PROP1: variants seen among roughly 807,000 people sequenced by gnomAD.
PROP1 encodes the protein PROP paired-like homeobox 1, also known as homeobox protein prophet of Pit-1.
PROP1 carries 12 observed loss-of-function variants against 22.3 expected under a neutral mutation model. The ratio of observed to expected loss-of-function variants is 0.54; its 90% CI spans 0.34 to 0.87. The LOEUF (loss-of-function observed/expected upper bound fraction) is 0.87. Among genes scored for constraint, PROP1 ranks in the 40% least tolerant of loss-of-function variants. The pLI is 0.01. For missense variants in PROP1, 278 were observed against 295.1 expected, an observed-to-expected ratio of 0.94 and a Z score of 0.43; for synonymous variants, 112 against 116.7, an observed-to-expected ratio of 0.96 and a Z score of 0.26.
rs865926653 is a variant in PROP1 at position 177,994,435 on chromosome 5, G to C, written c.110-97C>G. On this transcript the variant is annotated intron_variant, in intron 1 of 2. Transcript: ENST00000308304. ...CCCGGGATTGCGCTCAGTGCGTCCT[G>C]TGCTGCTCCAGTCTTTTTTTGAGAC... is the stretch of plus-strand genomic sequence containing the variant. 3.0e-5 allele frequency: 30 copies of C among 1,002,384 alleles called. No individual in the cohort carries two copies. In the African/African-American group the frequency reaches 4.4e-4, roughly 15 times the overall value. The allele number at this position is 1,002,384 out of a possible 1,614,324, so 62.1% of individuals were successfully genotyped here.
intron 2 of PROP1, 37 bp downstream of exon 2, chr5:177,994,069 A>G (rs1755689604): frequency 6.2e-7 from 1 of 1,605,788 alleles, no homozygotes; most frequent in Non-Finnish European, 8.5e-7. Flanking sequence ...AGAAATCTGC[A>G]TTTCTTTCCT....
At position 177,994,136 on chromosome 5, in the gene PROP1, C is replaced by T; in HGVS notation, c.312G>A (p.Arg104=). The change falls in exon 2 of 3, where the codon CGG becomes CGA. Residue 104 remains arginine (R), a synonymous_variant. Transcript: ENST00000308304. ...TTCGGGCCTCACTGAGGCCAGTGTC[C>T]CGGGCAAGACTCTCTCGGGCCCAGA... is the stretch of plus-strand genomic sequence containing the variant. The part of the protein sequence containing the change: ...PDIWARESLA[R]DTGLSEARIQ... The T allele has an allele frequency of 1.2e-6, 2 of 1,614,128 alleles. No individual in the cohort carries two copies. Among genetic ancestry groups the T allele is most frequent in the Non-Finnish European group, 1.7e-6 (2 of 1,180,012 alleles).
chr5:177,992,902 G>T lies in PROP1; in HGVS notation c.488C>A (p.Pro163Gln), dbSNP rs751075306. 196 of 1,613,006 alleles carry T rather than the reference G, an allele frequency of 1.2e-4. 3 individuals carry two copies. The South Asian group carries it at 1.5e-3, about 13-fold the overall frequency. Residue 163 changes from proline to glutamine, a missense_variant, in exon 3 of 3, where the codon CCA (proline) becomes CAA (glutamine). By Grantham distance (76) the Pro-to-Gln change is moderately conservative. Coordinates refer to ENST00000308304, the MANE Select transcript of PROP1 (RefSeq NM_006261.5). ...CPYSYAAPPP[P>Q]VTCFPHPYSH... ...GTAGGGGTGAGGGAAGCAGGTCACT[G>T]GTGGTGGTGGTGCTGCGTAAGAATA...
In PROP1 at chr5:177,993,980, G is replaced by A. The variant is rs188295226; in HGVS notation, c.342+126C>T. 1.7e-4 allele frequency: 164 copies of A among 963,118 alleles called. No individual in the cohort carries two copies. The East Asian group carries it at 3.7e-3, about 21-fold the overall frequency. 59.7% of individuals were successfully genotyped at this position (963,118 alleles called of 1,614,324 possible). A position where few individuals can be genotyped will look rare whatever the true frequency, so the allele number is the denominator to read the frequency against. ...ATATTCTCAATGCAGTTGCTCTGAT[G>A]CTGGTGGTGAGATGAGGCCTGTGTC... On this transcript the variant is annotated intron_variant, in intron 2 of 2. Transcript: ENST00000308304.
rs1562025255 is a variant in PROP1 at position 177,995,870 on chromosome 5, A to G, written c.64T>C (p.Leu22=). Residue 22 remains leucine (L), a synonymous_variant, in exon 1 of 3, where the codon TTG becomes CTG. Coordinates refer to ENST00000308304, the MANE Select transcript of PROP1 (RefSeq NM_006261.5). ...PKKGRVGSNL[L]PERHPATGTP... ...CCAGTGGCCGGGTGTCTCTCAGGCA[A>G]CAGGTTGCTGCCGACTCGCCCCTTC... The G allele has an allele frequency of 3.7e-6, 6 of 1,614,038 alleles. No homozygotes were observed. In the Admixed American group the frequency reaches 6.7e-5, roughly 18 times the overall value.
chr5:177,995,838 C>G lies in PROP1; in HGVS notation c.96G>C (p.Pro32=). ...ACGGTCACTCACCCACCGTGGTGGT[C>G]GGGGTCCCAGTGGCCGGGTGTCTCT... is the stretch of plus-strand genomic sequence containing the variant. ...LPERHPATGT[P]TTTVDSSAPP... is the part of the protein sequence containing the mutation. Residue 32 remains proline (P), a synonymous_variant, in exon 1 of 3, where the codon CCG becomes CCC. Transcript: ENST00000308304. 6.2e-7 allele frequency: 1 copy of G among 1,613,714 alleles called. No individual in the cohort carries two copies. The highest frequency in any genetic ancestry group is 8.5e-7 in the Non-Finnish European group (1 of 1,179,968).
In PROP1 at chr5:177,995,861, T is replaced by C. The variant is rs1478768627; in HGVS notation, c.73A>G (p.Arg25Gly). ...GTCGGGGTCCCAGTGGCCGGGTGTC[T>C]CTCAGGCAACAGGTTGCTGCCGACT... is the stretch of plus-strand genomic sequence containing the variant. ...GRVGSNLLPE[R>G]HPATGTPTTT... Residue 25 changes from arginine (R) to glycine (G), a missense_variant, in exon 1 of 3, where the codon AGA becomes GGA. Transcript: ENST00000308304. 6.2e-7 allele frequency: 1 copy of C among 1,613,882 alleles called. No homozygotes were observed. Among genetic ancestry groups the C allele is most frequent in the Admixed American group, 1.7e-5 (1 of 60,000 alleles).
At chr5:177,994,455 T>A in intron 1 of PROP1, 117 bp from the exon 2 acceptor site, 1 of 845,090 alleles carries the variant, frequency 1.2e-6, no homozygotes, top group African/African-American at 1.7e-5. Flanking sequence ...AGTCTTTTTT[T>A]GAGACAGAGT....
chr5:177,995,980 T>C lies in PROP1; in HGVS notation c.-47A>G. On this transcript the variant is annotated 5_prime_UTR_variant, in exon 1 of 3. Transcript: ENST00000308304. Reference sequence around the variant, plus strand: ...GTCCCTGAATCTCTGACTTGAGATTTCTCTGCTTCCGCAGCTCCTCTCCAC... The same window carrying C: ...GTCCCTGAATCTCTGACTTGAGATTCCTCTGCTTCCGCAGCTCCTCTCCAC... The C allele has an allele frequency of 6.5e-7, 1 of 1,532,354 alleles. No homozygotes were observed. The highest frequency in any genetic ancestry group is 9.0e-7 in the Non-Finnish European group (1 of 1,109,844). 94.9% of individuals were successfully genotyped at this position (1,532,354 alleles called of 1,614,324 possible). A position where few individuals can be genotyped will look rare whatever the true frequency, so the allele number is the denominator to read the frequency against.
At position 177,996,013 on chromosome 5, in the gene PROP1, C is replaced by G. The variant is rs1755762952; in HGVS notation, c.-80G>C. On this transcript the variant is annotated 5_prime_UTR_variant, in exon 1 of 3. Coordinates refer to ENST00000308304, the MANE Select transcript of PROP1 (RefSeq NM_006261.5). ...TCCGCAGCTCCTCTCCACACCTGTT[C>G]CCTCCCCTTCTCCCTCTGTGTATGC... is the stretch of plus-strand genomic sequence containing the variant. 8.2e-7 allele frequency: 1 copy of G among 1,222,372 alleles called. No individual in the cohort carries two copies. The highest frequency in any genetic ancestry group is 1.5e-5 in the African/African-American group (1 of 67,748). 75.7% of individuals were successfully genotyped at this position (1,222,372 alleles called of 1,614,324 possible). A position where few individuals can be genotyped will look rare whatever the true frequency, so the allele number is the denominator to read the frequency against.
chr5:177,995,604 T>C (rs1033087963), intron 1 of PROP1, among the ~76,000 whole-genome samples: 1 of 152,164 alleles, frequency 6.6e-6, no homozygotes, highest in Admixed American at 6.5e-5. Flanking sequence ...CCCACTGCAA[T>C]GTGAGCTGTT....
In PROP1 at chr5:177,994,290, C is replaced by A. The variant is rs754863751; in HGVS notation, c.158G>T (p.Arg53Ile). ...CRRLPGAGGG[R>I]SRFSPQGGQR... ...TCCTCCTTGCGGGGAGAACCTTGAT[C>A]TCCCCCCTCCTGCACCAGGGAGCCT... Residue 53 changes from arginine (R) to isoleucine (I), a missense_variant, in exon 2 of 3, where the codon AGA becomes ATA. By Grantham distance (97) the Arg-to-Ile change is moderately conservative. Transcript: ENST00000308304. The A allele has an allele frequency of 6.2e-7, 1 of 1,612,334 alleles. No individual in the cohort carries two copies. The highest frequency in any genetic ancestry group is 1.7e-5 in the Admixed American group (1 of 59,780).
chr5:177,996,092 T>G lies in PROP1; in HGVS notation c.-159A>C. ...GTGTGTAGGTGCAGGCAGCTGTCTC[T>G]GACTTTTTCACTGTCTTTACTTTTT... On this transcript the variant is annotated 5_prime_UTR_variant, in exon 1 of 3. Coordinates refer to ENST00000308304, the MANE Select transcript of PROP1 (RefSeq NM_006261.5). 1.5e-6 allele frequency: 1 copy of G among 678,176 alleles called. No homozygotes were observed. The highest frequency in any genetic ancestry group is 1.6e-5 in the South Asian group (1 of 61,068). The allele number at this position is 678,176 out of a possible 1,614,324, so 42.0% of individuals were successfully genotyped here.
chr5:177,995,253 C>T (rs529069629), intron 1 of PROP1, among the ~76,000 whole-genome samples: 2 of 152,224 alleles, frequency 1.3e-5, no homozygotes, highest in East Asian at 3.9e-4. Context: ...AACTTGAGCT[C>T]GTGGGAAAGG....
chr5:177,993,953 T>A (rs912910888), intron 2 of PROP1, among the ~76,000 whole-genome samples, 153 bp downstream of exon 2: 1 of 152,238 alleles, frequency 6.6e-6, no homozygotes, highest in Non-Finnish European at 1.5e-5. Flanking sequence ...TCAAGTGATA[T>A]GATATTCTCA....
chr5:177,993,554 T>C (rs1772702158), intron 2 of PROP1, among the ~76,000 whole-genome samples: 1 of 141,438 alleles, frequency 7.1e-6, no homozygotes, highest in South Asian at 2.3e-4. Flanking sequence ...TCTGTTGGAA[T>C]TGGCATCACT....
At chr5:177,994,826 C>T (rs1016430661) in intron 1 of PROP1, among the ~76,000 whole-genome samples, 2 of 152,090 alleles carry the variant, frequency 1.3e-5, no homozygotes, top group African/African-American at 4.8e-5. Flanking sequence ...GAGTCTCTGA[C>T]ACCAGGCTGT....
In PROP1 at chr5:177,994,138, G is replaced by A. The variant is rs530283224; in HGVS notation, c.310C>T (p.Arg104Trp). 49 of 1,614,086 alleles carry A rather than the reference G, an allele frequency of 3.0e-5. No homozygotes were observed. In the South Asian group the frequency reaches 4.0e-4, roughly 13 times the overall value. Residue 104 changes from arginine to tryptophan, a missense_variant, in exon 2 of 3, where the codon CGG becomes TGG. Physicochemically the swap from Arg to Trp is moderately radical, Grantham distance 101 (BLOSUM62 -3). Transcript: ENST00000308304. ...PDIWARESLA[R>W]DTGLSEARIQ... The stretch of plus-strand genomic sequence containing the variant: ...CGGGCCTCACTGAGGCCAGTGTCCC[G>A]GGCAAGACTCTCTCGGGCCCAGATG...
chr5:177,993,715 G>A (rs1371116877), intron 2 of PROP1, among the ~76,000 whole-genome samples: 1 of 152,056 alleles, frequency 6.6e-6, no homozygotes, highest in Admixed American at 6.6e-5. Context: ...ATAGGCACCT[G>A]CCACTATGCC....
Sources: allele counts gnomAD v4.1 joint callset (sites outside exome capture counted in the v4.1 genomes callset), GRCh38; gene constraint gnomAD v4.1.1; transcripts MANE v1.5; gene names NCBI Gene and HGNC (gene_info 2026-07-23, HGNC 2026-07-21).